The following INPP5A variants were observed in gnomAD, a reference collection of about 807,000 sequenced individuals.
INPP5A encodes the protein inositol polyphosphate-5-phosphatase A.
Under a neutral mutation model 65.2 loss-of-function variants are expected in INPP5A, and 14 were observed. The observed-to-expected ratio is 0.21, with a 90% CI of 0.14 to 0.34. The LOEUF is 0.34. INPP5A is among the 10% of genes least tolerant of loss of function. INPP5A has a pLI of 1.00. For missense variants in INPP5A, 431 were observed against 545.6 expected, an observed-to-expected ratio of 0.79 and a Z score of 2.09; for synonymous variants, 207 against 208.3, an observed-to-expected ratio of 0.99 and a Z score of 0.05.
At chr10:132,726,176 G>A (rs138705138) in intron 8 of INPP5A, among the ~76,000 whole-genome samples, 40 of 152,302 alleles carry the variant, frequency 2.6e-4, no homozygotes, top group Non-Finnish European at 5.0e-4. Flanking sequence ...TTTTTCTTGA[G>A]TACAGCTGTA....
chr10:132,611,475 C>T (rs1248863005), intron 2 of INPP5A, among the ~76,000 whole-genome samples: 2 of 130,772 alleles, frequency 1.5e-5, no homozygotes, highest in Admixed American at 8.0e-5. Flanking sequence ...GTGAGGTGGG[C>T]ATGGGAGAGG....
At chr10:132,656,400 A>G (rs1045539439) in intron 4 of INPP5A, among the ~76,000 whole-genome samples, 4 of 152,242 alleles carry the variant, frequency 2.6e-5, no homozygotes, top group African/African-American at 9.6e-5. Flanking sequence ...AGGGCTGAGA[A>G]GGTGTGGCCT....
intron 9 of INPP5A, among the ~76,000 whole-genome samples, chr10:132,737,976 T>C (rs1329504639): frequency 1.3e-5 from 2 of 152,178 alleles, no homozygotes; most frequent in African/African-American, 4.8e-5. Flanking sequence ...ACTGGTATAT[T>C]GATGCCAAGA....
chr10:132,686,212 C>G (rs2134473649), intron 4 of INPP5A, among the ~76,000 whole-genome samples: 1 of 152,324 alleles, frequency 6.6e-6, no homozygotes, highest in Non-Finnish European at 1.5e-5. Flanking sequence ...TTGGCTTTGT[C>G]CAGTGGAGGC....
At position 132,697,230 on chromosome 10, in the gene INPP5A, T is replaced by C. The variant is rs1461195404; in HGVS notation, c.371-586T>C. ...GCTACCTGTCCATAAAAAGAAAGGC[T>C]GAGGCCTGGTTGTGAACAATAGTGA... On this transcript the variant is annotated intron_variant, in intron 5 of 15. Transcript: ENST00000368594. This position sits in a 1 kb window ranked among gnomAD's most constrained non-coding sequence, Gnocchi z 5.6. Among the ~76,000 whole-genome samples the C allele has an allele frequency of 4.6e-5, 7 of 152,240 alleles. No individual in the cohort carries two copies. The highest frequency in any genetic ancestry group is 7.2e-5 in the African/African-American group (3 of 41,462).
At chr10:132,693,724 G>T (rs2767420) in intron 5 of INPP5A, among the ~76,000 whole-genome samples, 1 of 152,246 alleles carries the variant, frequency 6.6e-6, no homozygotes, top group Admixed American at 6.5e-5. Context: ...AATTATTCAT[G>T]TCAGAAATTA....
intron 9 of INPP5A, among the ~76,000 whole-genome samples, chr10:132,731,846 G>T (rs145835160): frequency 1.3e-5 from 2 of 152,350 alleles, no homozygotes; most frequent in South Asian, 2.1e-4. Flanking sequence ...CAGGGCGTTC[G>T]TGGGAAATCC....
chr10:132,719,803 C>T (rs904654915), intron 8 of INPP5A, among the ~76,000 whole-genome samples: 13 of 148,924 alleles, frequency 8.7e-5, no homozygotes, highest in Non-Finnish European at 1.8e-4. Flanking sequence ...TTCTGTGGTG[C>T]CTGGGTTCTG....
At chr10:132,640,920 G>A (rs2072419865) in intron 2 of INPP5A, among the ~76,000 whole-genome samples, 1 of 152,118 alleles carries the variant, frequency 6.6e-6, no homozygotes, top group Non-Finnish European at 1.5e-5. Context: ...TCCTGGAATC[G>A]GCCTCCGTCG....
chr10:132,720,524 G>A (rs1026926474), intron 8 of INPP5A, among the ~76,000 whole-genome samples: 2 of 151,016 alleles, frequency 1.3e-5, no homozygotes, highest in African/African-American at 2.4e-5. Context: ...TTTGGTGCCT[G>A]GGTTCTGTCT....
chr10:132,621,325 A>G (rs1006648696), intron 2 of INPP5A, among the ~76,000 whole-genome samples: 1 of 152,240 alleles, frequency 6.6e-6, no homozygotes, highest in African/African-American at 2.4e-5. Flanking sequence ...ACAGGTCTCA[A>G]CCAATTTAGA....
chr10:132,730,864 C>T (rs547870914), intron 9 of INPP5A, among the ~76,000 whole-genome samples: 108 of 152,278 alleles, frequency 7.1e-4, no homozygotes, highest in African/African-American at 2.3e-3. Context: ...CCCAGGAACC[C>T]GATTTTTCAC....
At chr10:132,591,164 CAAG>C (rs1262006305) in intron 1 of INPP5A, among the ~76,000 whole-genome samples, 1 of 152,138 alleles carries the variant, frequency 6.6e-6, no homozygotes, top group Non-Finnish European at 1.5e-5. Flanking sequence ...CTTTCAATTG[CAAG>C]AAGATTAATT....
chr10:132,740,297 T>C (rs1041727133), intron 9 of INPP5A, among the ~76,000 whole-genome samples: 29 of 152,220 alleles, frequency 1.9e-4, no homozygotes, highest in Admixed American at 1.9e-3. Context: ...TTTTCTGAAC[T>C]GTAACGGAAT....
At chr10:132,766,849 G>A (rs555474207) in intron 12 of INPP5A, among the ~76,000 whole-genome samples, 4 of 152,150 alleles carry the variant, frequency 2.6e-5, no homozygotes, top group Admixed American at 6.5e-5. Context: ...ATTGGGAGCT[G>A]GAGGTGCGGC....
chr10:132,701,517 C>T (rs1187392902), intron 6 of INPP5A, among the ~76,000 whole-genome samples: 3 of 152,216 alleles, frequency 2.0e-5, no homozygotes, highest in African/African-American at 2.4e-5. Context: ...CAAGTATGTA[C>T]ATCCAGAAGC....
chr10:132,699,263 G>A (rs373326017), intron 6 of INPP5A, among the ~76,000 whole-genome samples: 3 of 151,876 alleles, frequency 2.0e-5, no homozygotes, highest in East Asian at 2.0e-4. Flanking sequence ...GAGAGCCTGC[G>A]AGCTGAACTC....
At chr10:132,598,028 A>G (rs2071729718) in intron 1 of INPP5A, among the ~76,000 whole-genome samples, 1 of 152,144 alleles carries the variant, frequency 6.6e-6, no homozygotes, top group African/African-American at 2.4e-5. Context: ...TCTCAGATTT[A>G]CTGTCTGTTT....
rs1486120619 is a variant in INPP5A, at chr10:132,707,582, C to G, written c.475-731C>G. 6.6e-6 allele frequency among the ~76,000 whole-genome samples: 1 copy of G among 152,228 alleles called. No individual in the cohort carries two copies. The highest frequency in any genetic ancestry group is 1.5e-5 in the Non-Finnish European group (1 of 68,040). On this transcript the variant is annotated intron_variant, in intron 6 of 15. Transcript: ENST00000368594. This position sits in a 1 kb window ranked among gnomAD's most constrained non-coding sequence, Gnocchi z 5.5. ...GCCACTGCTGTACTGGGTGGCCCAG[C>G]AGAGGAACCTACCATGGTGGGAGGT... is the stretch of plus-strand genomic sequence containing the variant.
Sources: gnomAD v4.1 joint callset for allele counts (sites outside exome capture counted in the v4.1 genomes callset) on GRCh38, gnomAD v4.1.1 for gene constraint, Gnocchi (gnomAD v3.1) non-coding constraint, MANE v1.5 for transcripts, NCBI Gene and HGNC (gene_info 2026-07-23, HGNC 2026-07-21) for gene names.